The following CNTN4 variants were observed in gnomAD, a reference collection of about 807,000 sequenced individuals.
CNTN4 encodes contactin 4, also known as contactin-4.
CNTN4 carries 77 observed loss-of-function variants against 122.5 expected under a neutral mutation model. The ratio of observed to expected loss-of-function variants is 0.63; its 90% CI spans 0.52 to 0.76. The LOEUF is 0.76. CNTN4 is among the 30% of genes least tolerant of loss of function. The probability of loss-of-function intolerance (pLI) is 0.00; values close to 1 mark genes in which losing one functional copy is unlikely to be tolerated. For missense variants in CNTN4, 1,256 were observed against 1,259.1 expected (o/e 1.00, Z 0.04); for synonymous variants, 512 against 447.0 (o/e 1.15, Z -1.83).
At chr3:2,120,378 T>TATATATATATATATAA (rs2033658360) in intron 2 of CNTN4, among the ~76,000 whole-genome samples, 1 of 29,904 alleles carries the variant, frequency 3.3e-5, no homozygotes, top group Non-Finnish European at 7.9e-5. Flanking sequence ...TATATAAATA[T>TATATATATATATATAA]ATATATATAT....
chr3:2,960,432 C>G (rs12631637), intron 13 of CNTN4, among the ~76,000 whole-genome samples: 38,246 of 152,056 alleles, frequency 0.25, 5,439 homozygotes, highest in Non-Finnish European at 0.33. Flanking sequence ...TATACTGTCT[C>G]TCTCAAAATC....
At chr3:2,416,244 G>A (rs2047407292) in intron 3 of CNTN4, among the ~76,000 whole-genome samples, 1 of 151,930 alleles carries the variant, frequency 6.6e-6, no homozygotes. Flanking sequence ...TAAAAGAATA[G>A]GATTCTTAAA....
At chr3:2,729,243 T>C (rs981755679) in intron 4 of CNTN4, among the ~76,000 whole-genome samples, 2 of 152,080 alleles carry the variant, frequency 1.3e-5, no homozygotes, top group African/African-American at 4.8e-5. Context: ...GCAGGGTAGT[T>C]TTTCTTCACT....
At chr3:2,988,506 A>G (rs776128115) in intron 14 of CNTN4, 34 bp downstream of exon 14, 86 of 1,610,326 alleles carry the variant, frequency 5.3e-5, no homozygotes, top group Non-Finnish European at 6.7e-5. Context: ...GAATATTTAT[A>G]TATGTGTCCT....
At chr3:2,365,637 T>A (rs1364865534) in intron 3 of CNTN4, among the ~76,000 whole-genome samples, 1 of 152,204 alleles carries the variant, frequency 6.6e-6, no homozygotes, top group Non-Finnish European at 1.5e-5. Flanking sequence ...GAGGCTGAGA[T>A]GAGATGTGAG....
intron 4 of CNTN4, among the ~76,000 whole-genome samples, chr3:2,598,990 A>G (rs2616590): frequency 0.099 from 15,083 of 152,268 alleles, 988 homozygotes; most frequent in Non-Finnish European, 0.14. Context: ...GCTAACATCT[A>G]TACAACAGAA....
rs55936792 is a variant in CNTN4 at position 2,126,303 on chromosome 3, T to C, written c.-145+25664T>C. Among the ~76,000 whole-genome samples the C allele has an allele frequency of 4.8e-3, 738 of 152,286 alleles. 8 individuals carry two copies. The highest frequency in any genetic ancestry group is 0.011 in the African/African-American group (445 of 41,560). ...TCCTTAAGATAATGGACTATGATTCTATCTTGTCTCTGCGCCCAGTACATG... is the reference window on the plus strand; with the variant it reads ...TCCTTAAGATAATGGACTATGATTCCATCTTGTCTCTGCGCCCAGTACATG... On this transcript the variant is annotated intron_variant, in intron 2 of 24. Coordinates refer to ENST00000418658, the MANE Select transcript of CNTN4 (RefSeq NM_175607.3).
At chr3:2,612,378 A>T (rs776117179) in intron 4 of CNTN4, among the ~76,000 whole-genome samples, 1 of 152,152 alleles carries the variant, frequency 6.6e-6, no homozygotes. Flanking sequence ...AGTTTATTGA[A>T]TACTGTACAG....
At chr3:2,656,134 A>G (rs1457404528) in intron 4 of CNTN4, among the ~76,000 whole-genome samples, 1 of 152,216 alleles carries the variant, frequency 6.6e-6, no homozygotes, top group Non-Finnish European at 1.5e-5. Flanking sequence ...GGGAATTTTT[A>G]AAACAATTAA....
chr3:2,717,149 T>G (rs2087543772), intron 4 of CNTN4, among the ~76,000 whole-genome samples: 1 of 152,316 alleles, frequency 6.6e-6, no homozygotes, highest in Admixed American at 6.5e-5. Context: ...TTAACAGGCC[T>G]GACTGCTGCG....
intron 3 of CNTN4, among the ~76,000 whole-genome samples, chr3:2,455,960 G>T (rs1258520269): frequency 6.6e-6 from 1 of 152,002 alleles, no homozygotes; most frequent in African/African-American, 2.4e-5. Flanking sequence ...AATTGAATTT[G>T]TTCCTAGTAA....
At chr3:2,479,135 T>A (rs2075914080) in intron 3 of CNTN4, among the ~76,000 whole-genome samples, 1 of 152,170 alleles carries the variant, frequency 6.6e-6, no homozygotes, top group African/African-American at 2.4e-5. Context: ...TTCAATAATA[T>A]TTGTTTTGTT....
intron 4 of CNTN4, among the ~76,000 whole-genome samples, chr3:2,594,572 C>T (rs1269475011): frequency 6.6e-6 from 1 of 152,088 alleles, no homozygotes; most frequent in Non-Finnish European, 1.5e-5. Context: ...GCATGTGCCA[C>T]CACACCCGGC....
intron 3 of CNTN4, among the ~76,000 whole-genome samples, chr3:2,441,658 GTTAC>G (rs2048445217): frequency 6.6e-6 from 1 of 152,162 alleles, no homozygotes; most frequent in East Asian, 1.9e-4. Flanking sequence ...GAGAGAGAGT[GTTAC>G]TTAGCCCTGC....
At chr3:2,779,021 A>G (rs916640641) in intron 6 of CNTN4, among the ~76,000 whole-genome samples, 1 of 152,208 alleles carries the variant, frequency 6.6e-6, no homozygotes, top group African/African-American at 2.4e-5. Context: ...AATGCCCCAT[A>G]GTAGCATTTA....
At chr3:2,437,233 A>C (rs11706769) in intron 3 of CNTN4, among the ~76,000 whole-genome samples, 25,639 of 152,112 alleles carry the variant, frequency 0.17, 2,843 homozygotes, top group Non-Finnish European at 0.25. Flanking sequence ...CTAATAATTA[A>C]GTCTGTTTAG....
At chr3:2,127,087 TTC>T (rs138765827) in intron 2 of CNTN4, among the ~76,000 whole-genome samples, 2,378 of 152,310 alleles carry the variant, frequency 0.016, 76 homozygotes, top group African/African-American at 0.055. Context: ...TTTTTCTCCT[TTC>T]TCAATGAATT....
intron 2 of CNTN4, among the ~76,000 whole-genome samples, chr3:2,289,129 G>T (rs564599793): frequency 6.6e-6 from 1 of 152,170 alleles, no homozygotes; most frequent in Non-Finnish European, 1.5e-5. Context: ...GTTTTAAACA[G>T]CTTCCCAATG....
chr3:3,012,873 C>T (rs1015573930), intron 14 of CNTN4, among the ~76,000 whole-genome samples: 20 of 151,836 alleles, frequency 1.3e-4, no homozygotes, highest in African/African-American at 4.1e-4. Flanking sequence ...GAAGCTGAGG[C>T]GAGAGAATTG....
Sources: gnomAD v4.1 joint callset for allele counts (sites outside exome capture counted in the v4.1 genomes callset) on GRCh38, gnomAD v4.1.1 for gene constraint, MANE v1.5 for transcripts, NCBI Gene and HGNC (gene_info 2026-07-23, HGNC 2026-07-21) for gene names.